ZNF689: variants seen among roughly 807,000 people sequenced by gnomAD.
ZNF689 encodes the protein zinc finger protein 689, also known as short ORF-encoded histone-binding protein.
ZNF689 carries 14 observed loss-of-function variants against 37.2 expected under a neutral mutation model. The observed-to-expected ratio is 0.38, with a 90% CI of 0.25 to 0.59. ZNF689 has a LOEUF of 0.59. ZNF689 is among the 20% of genes least tolerant of loss of function. The pLI is 0.68. For missense variants in ZNF689, 573 were observed against 700.2 expected, an observed-to-expected ratio of 0.82 and a Z score of 2.05; for synonymous variants, 277 against 283.3, an observed-to-expected ratio of 0.98 and a Z score of 0.22.
Position 30,610,353 on chromosome 16 carries a change from C to A in ZNF689, c.-312G>T. On this transcript the variant is annotated 5_prime_UTR_variant, in exon 1 of 3. Transcript: ENST00000287461. ...CGATTTTATTGACCGGAGCGCCATG[C>A]CGGCTTCCTAACCTCTTTGCCCTCA... 2.6e-6 allele frequency: 1 copy of A among 384,272 alleles called. No homozygotes were observed. Among genetic ancestry groups the A allele is most frequent in the Non-Finnish European group, 4.7e-6 (1 of 211,390 alleles). 23.8% of individuals were successfully genotyped at this position (384,272 alleles called of 1,614,324 possible). A position where few individuals can be genotyped will look rare whatever the true frequency, so the allele number is the denominator to read the frequency against.
At chr16:30,606,078 G>C (rs963648588) in intron 2 of ZNF689, among the ~76,000 whole-genome samples, 1 of 152,132 alleles carries the variant, frequency 6.6e-6, no homozygotes, top group Non-Finnish European at 1.5e-5. Context: ...GCAAGAGATC[G>C]CTTGAACCCA....
In ZNF689 at chr16:30,605,468, T is replaced by C; in HGVS notation, c.320-21A>G. On this transcript the variant is annotated intron_variant, in intron 2 of 2. Coordinates refer to ENST00000287461, the MANE Select transcript of ZNF689 (RefSeq NM_138447.3). The surrounding 1 kb of genome is among the most constrained non-coding windows in gnomAD (Gnocchi z 5.1). ...GCTTTCTATAGAAATACAGAAGCAT[T>C]AATTTAACAAATACTGGGCTCCTGC... 4 of 1,600,222 alleles carry C rather than the reference T, an allele frequency of 2.5e-6. No homozygotes were observed. The highest frequency in any genetic ancestry group is 3.4e-6 in the Non-Finnish European group (4 of 1,174,626).
Position 30,604,489 on chromosome 16 carries a change from C to G in ZNF689, c.1278G>C (p.Glu426Asp). The G allele has an allele frequency of 6.2e-7, 1 of 1,603,372 alleles. No homozygotes were observed. ...LASHRRVHSG[E>D]RPYACDLCSK... ...AGCAAAGGTCGCAGGCATAGGGCCG[C>G]TCGCCCGAGTGCACGCGCCGGTGGC... The change falls in exon 3 of 3, where the codon GAG becomes GAC. Residue 426 changes from glutamate to aspartate, a missense_variant. Glu to Asp is a conservative substitution (Grantham distance 45). Transcript: ENST00000287461. This position sits in a 1 kb window ranked among gnomAD's most constrained non-coding sequence, Gnocchi z 5.2.
In ZNF689 at chr16:30,604,742, TC is replaced by T; in HGVS notation, c.1024del (p.Glu342SerfsTer253). 1 of 1,606,036 alleles carries T rather than the reference TC, an allele frequency of 6.2e-7. No homozygotes were observed. ...LVSHRRVHSG[E>X]RPYACEHCEA... is the part of the protein sequence containing the mutation. Reference sequence around the variant, plus strand: ...ACAGTGCTCGCAGGCATAGGGACGCTCCCCAGAGTGCACACGCCGGTGACTG... The same window carrying T: ...ACAGTGCTCGCAGGCATAGGGACGCTCCCAGAGTGCACACGCCGGTGACTG... On this transcript the variant is annotated frameshift_variant, in exon 3 of 3. Coordinates refer to ENST00000287461, the MANE Select transcript of ZNF689 (RefSeq NM_138447.3). LOFTEE classifies it high-confidence loss of function. The surrounding 1 kb of genome is among the most constrained non-coding windows in gnomAD (Gnocchi z 5.2).
At position 30,609,644 on chromosome 16, in the gene ZNF689, G is replaced by A; in HGVS notation, c.206-6C>T. On this transcript the variant is annotated splice_polypyrimidine_tract_variant and splice_region_variant and intron_variant, in intron 1 of 2. Transcript: ENST00000287461. ...TGGTTTGGGACCTGCGCACCCTGGG[G>A]AAAGAGAACAAATCAGAAGGCCAGC... 2 of 1,613,922 alleles carry A rather than the reference G, an allele frequency of 1.2e-6. No individual in the cohort carries two copies. Among genetic ancestry groups the A allele is most frequent in the Non-Finnish European group, 1.7e-6 (2 of 1,179,972 alleles).
At position 30,610,057 on chromosome 16, in the gene ZNF689, G is replaced by A. The variant is rs200344335; in HGVS notation, c.-16C>T. On this transcript the variant is annotated 5_prime_UTR_variant, in exon 1 of 3. Coordinates refer to ENST00000287461, the MANE Select transcript of ZNF689 (RefSeq NM_138447.3). ...GTGGCGCCATGGGACCCGAGAAGCC[G>A]GCGCCACGGCCTTCCGTGTCCAGGC... 2.1e-4 allele frequency: 327 copies of A among 1,570,142 alleles called. No homozygotes were observed. The African/African-American group carries it at 4.0e-3, about 19-fold the overall frequency.
At chr16:30,609,078 G>T (rs1229203073) in intron 2 of ZNF689, among the ~76,000 whole-genome samples, 1 of 152,092 alleles carries the variant, frequency 6.6e-6, no homozygotes, top group Non-Finnish European at 1.5e-5. Context: ...GATCTCTTTG[G>T]TCCAACTCAA....
Position 30,609,617 on chromosome 16 carries a change from G to C in ZNF689, c.227C>G (p.Ala76Gly), listed in dbSNP as rs1441382844. The C allele has an allele frequency of 6.2e-7, 1 of 1,614,006 alleles. No homozygotes were observed. Among genetic ancestry groups the C allele is most frequent in the Non-Finnish European group, 8.5e-7 (1 of 1,179,998 alleles). Residue 76 changes from alanine to glycine, a missense_variant, in exon 2 of 3, where the codon GCC becomes GGC. Physicochemically the swap from Ala to Gly is moderately conservative, Grantham distance 60. Around this residue, in one of 3 missense-constraint regions of ZNF689, gnomAD observed 252 missense variants for 313.3 expected, o/e 0.80. Transcript: ENST00000287461. ...GALGCAGPKP[A>G]LISWLERNTD... ...GTTTCGTTCCAACCAGGAGATGAGG[G>C]CTGGTTTGGGACCTGCGCACCCTGG...
chr16:30,604,086 G>A lies in ZNF689; in HGVS notation c.*178C>T. Reference sequence around the variant, plus strand: ...AGCAAATGACGTCACCTCTCCTAATGGGACTGTTCCAGACACGCACAGGGA... The same window carrying A: ...AGCAAATGACGTCACCTCTCCTAATAGGACTGTTCCAGACACGCACAGGGA... On this transcript the variant is annotated 3_prime_UTR_variant, in exon 3 of 3. Coordinates refer to ENST00000287461, the MANE Select transcript of ZNF689 (RefSeq NM_138447.3). The surrounding 1 kb of genome is among the most constrained non-coding windows in gnomAD (Gnocchi z 5.2). The A allele has an allele frequency of 2.7e-6, 2 of 752,982 alleles. No individual in the cohort carries two copies. The highest frequency in any genetic ancestry group is 4.7e-6 in the Non-Finnish European group (2 of 426,830). The allele number at this position is 752,982 out of a possible 1,614,324, so 46.6% of individuals were successfully genotyped here. A position where few individuals can be genotyped will look rare whatever the true frequency, so the allele number is the denominator to read the frequency against.
intron 2 of ZNF689, 42 bp downstream of exon 2, chr16:30,609,483 T>C (rs944147754): frequency 6.3e-7 from 1 of 1,581,304 alleles, no homozygotes; most frequent in Admixed American, 1.7e-5. Flanking sequence ...GGTAGAACGT[T>C]ATAGGAGGGC....
rs145758365 is a variant in ZNF689, at chr16:30,604,508, C to A, written c.1259G>T (p.Arg420Leu). 5.0e-6 allele frequency: 8 copies of A among 1,596,856 alleles called. No individual in the cohort carries two copies. The highest frequency in any genetic ancestry group is 6.8e-6 in the Non-Finnish European group (8 of 1,172,054). The change falls in exon 3 of 3, where the codon CGG (arginine) becomes CTG (leucine). Residue 420 changes from arginine to leucine, a missense_variant. This residue lies in a region of ZNF689 where 317 missense variants were observed against 367.1 expected (regional missense o/e 0.86). Transcript: ENST00000287461. This position sits in a 1 kb window ranked among gnomAD's most constrained non-coding sequence, Gnocchi z 5.2. ...FAYPSLLASH[R>L]RVHSGERPYA... ...GGGCCGCTCGCCCGAGTGCACGCGC[C>A]GGTGGCTGGCCAGCAGTGAGGGGTA...
In ZNF689 at chr16:30,604,071, G is replaced by A. The variant is rs1487525484; in HGVS notation, c.*193C>T. ...GCTTGGAAAACTTTAAGCAAATGACGTCACCTCTCCTAATGGGACTGTTCC... is the reference window on the plus strand; with the variant it reads ...GCTTGGAAAACTTTAAGCAAATGACATCACCTCTCCTAATGGGACTGTTCC... On this transcript the variant is annotated 3_prime_UTR_variant, in exon 3 of 3. Transcript: ENST00000287461. This position sits in a 1 kb window ranked among gnomAD's most constrained non-coding sequence, Gnocchi z 5.2. 1.5e-5 allele frequency: 11 copies of A among 730,784 alleles called. No homozygotes were observed. The highest frequency in any genetic ancestry group is 1.3e-4 in the East Asian group (5 of 37,232). 45.3% of individuals were successfully genotyped at this position (730,784 alleles called of 1,614,324 possible).
At position 30,610,302 on chromosome 16, in the gene ZNF689, C is replaced by G; in HGVS notation, c.-261G>C. 1 of 513,778 alleles carries G rather than the reference C, an allele frequency of 1.9e-6. No individual in the cohort carries two copies. The highest frequency in any genetic ancestry group is 2.0e-5 in the African/African-American group (1 of 50,918). 31.8% of individuals were successfully genotyped at this position (513,778 alleles called of 1,614,324 possible). A position where few individuals can be genotyped will look rare whatever the true frequency, so the allele number is the denominator to read the frequency against. Reference sequence around the variant, plus strand: ...GGCGCTGCTACCGCACCGCCTTTGCCTGGAACACAGGCAGCTTCCAGCTAT... The same window carrying G: ...GGCGCTGCTACCGCACCGCCTTTGCGTGGAACACAGGCAGCTTCCAGCTAT... On this transcript the variant is annotated 5_prime_UTR_variant, in exon 1 of 3. Coordinates refer to ENST00000287461, the MANE Select transcript of ZNF689 (RefSeq NM_138447.3).
In ZNF689 at chr16:30,605,301, A is replaced by G. The variant is rs2052025392; in HGVS notation, c.466T>C (p.Cys156Arg). The change falls in exon 3 of 3, where the codon TGT (cysteine) becomes CGT (arginine). Residue 156 changes from cysteine (C) to arginine (R), a missense_variant. Physicochemically the swap from Cys to Arg is radical, Grantham distance 180 (BLOSUM62 -3). This residue lies in a region of ZNF689 where 252 missense variants were observed against 313.3 expected (regional missense o/e 0.80). Transcript: ENST00000287461. The surrounding 1 kb of genome is among the most constrained non-coding windows in gnomAD (Gnocchi z 5.1). ...AGGGCCTGATGATCAGGGAAGGTACAGCCGCAGTCAGGGCAGATGGGGCCC... is the reference window on the plus strand; with the variant it reads ...AGGGCCTGATGATCAGGGAAGGTACGGCCGCAGTCAGGGCAGATGGGGCCC... ...SGGPICPDCGCTFPDHQALES... is the reference protein window; with the variant it reads ...SGGPICPDCGRTFPDHQALES... 1 of 1,611,422 alleles carries G rather than the reference A, an allele frequency of 6.2e-7. No individual in the cohort carries two copies. Among genetic ancestry groups the G allele is most frequent in the Non-Finnish European group, 8.5e-7 (1 of 1,178,396 alleles).
rs147398730 is a variant in ZNF689, at chr16:30,604,942, C to T, written c.825G>A (p.Leu275=). The T allele has an allele frequency of 3.2e-6, 5 of 1,575,480 alleles. No homozygotes were observed. Among genetic ancestry groups the T allele is most frequent in the Non-Finnish European group, 8.6e-7 (1 of 1,159,334 alleles). Residue 275 remains leucine (L), a synonymous_variant, in exon 3 of 3, where the codon CTG becomes CTA. Transcript: ENST00000287461. This position sits in a 1 kb window ranked among gnomAD's most constrained non-coding sequence, Gnocchi z 5.2. ...TGTGTGTACGCTGGTGGATGGCTAG[C>T]AGGGAGGGGTAGGCGAAGCGACGTC... ...SCGRRFAYPS[L]LAIHQRTHTG...
chr16:30,610,097 G>T lies in ZNF689; in HGVS notation c.-56C>A. The T allele has an allele frequency of 2.6e-6, 4 of 1,522,972 alleles. No individual in the cohort carries two copies. Among genetic ancestry groups the T allele is most frequent in the Non-Finnish European group, 3.5e-6 (4 of 1,134,768 alleles). 94.3% of individuals were successfully genotyped at this position (1,522,972 alleles called of 1,614,324 possible). A position where few individuals can be genotyped will look rare whatever the true frequency, so the allele number is the denominator to read the frequency against. The stretch of plus-strand genomic sequence containing the variant: ...CGTGTCCAGGCCTCGGCCCTCGGGC[G>T]CTGGCGGCCCCTGGGATCGAGGAGC... On this transcript the variant is annotated 5_prime_UTR_variant, in exon 1 of 3. Transcript: ENST00000287461.
At position 30,604,512 on chromosome 16, in the gene ZNF689, G is replaced by C. The variant is rs760059619; in HGVS notation, c.1255C>G (p.His419Asp). 1 of 1,596,774 alleles carries C rather than the reference G, an allele frequency of 6.3e-7. No homozygotes were observed. The highest frequency in any genetic ancestry group is 8.5e-7 in the Non-Finnish European group (1 of 1,172,050). ...RFAYPSLLAS[H>D]RRVHSGERPY... ...CGCTCGCCCGAGTGCACGCGCCGGT[G>C]GCTGGCCAGCAGTGAGGGGTAGGCA... The change falls in exon 3 of 3, where the codon CAC (histidine) becomes GAC (aspartate). Residue 419 changes from histidine (H) to aspartate (D), a missense_variant. By Grantham distance (81) the His-to-Asp change is moderately conservative (BLOSUM62 -1). Around this residue, in one of 3 missense-constraint regions of ZNF689, gnomAD observed 317 missense variants for 367.1 expected, o/e 0.86. Transcript: ENST00000287461. The surrounding 1 kb of genome is among the most constrained non-coding windows in gnomAD (Gnocchi z 5.2).
At chr16:30,610,567 T>C (rs1035332245), upstream of ZNF689, 11 of 156,382 alleles carry the variant, frequency 7.0e-5, no homozygotes, top group African/African-American at 2.7e-4. Context: ...TACAAGGAGT[T>C]GTGAAGCGAC....
Position 30,609,586 on chromosome 16 carries a change from A to G in ZNF689, c.258T>C (p.Asp86=). The change falls in exon 2 of 3, where the codon GAT becomes GAC. Residue 86 remains aspartate (D), a synonymous_variant. Transcript: ENST00000287461. ...ALISWLERNT[D]DWEPAALDPQ... is the part of the protein sequence containing the mutation. Reference sequence around the variant, plus strand: ...GATCTAGAGCAGCCGGTTCCCAGTCATCGGTGTTTCGTTCCAACCAGGAGA... The same window carrying G: ...GATCTAGAGCAGCCGGTTCCCAGTCGTCGGTGTTTCGTTCCAACCAGGAGA... 1 of 1,614,030 alleles carries G rather than the reference A, an allele frequency of 6.2e-7. No homozygotes were observed. The highest frequency in any genetic ancestry group is 1.3e-5 in the African/African-American group (1 of 74,982).
Sources: gnomAD v4.1 joint callset for allele counts (sites outside exome capture counted in the v4.1 genomes callset) on GRCh38, gnomAD v4.1.1 for gene constraint, gnomAD v4.1.1 regional missense constraint, Gnocchi (gnomAD v3.1) non-coding constraint, MANE v1.5 for transcripts, NCBI Gene and HGNC (gene_info 2026-07-23, HGNC 2026-07-21) for gene names.